The following RALGAPA2 variants were observed in gnomAD, a reference collection of about 807,000 sequenced individuals.
RALGAPA2 encodes Ral GTPase activating protein catalytic subunit alpha 2.
RALGAPA2 carries 139 observed loss-of-function variants against 230.4 expected under a neutral mutation model. The ratio of observed to expected loss-of-function variants is 0.60; its 90% CI spans 0.53 to 0.69. The LOEUF (loss-of-function observed/expected upper bound fraction) is 0.69. Among genes scored for constraint, RALGAPA2 ranks in the 30% least tolerant of loss-of-function variants. The pLI is 0.00. For missense variants in RALGAPA2, 2,163 were observed against 2,276.0 expected (o/e 0.95, Z 1.01); for synonymous variants, 847 against 837.8 (o/e 1.01, Z -0.19).
intron 13 of RALGAPA2, among the ~76,000 whole-genome samples, chr20:20,612,714 C>A (rs2066012123): frequency 6.6e-6 from 1 of 152,184 alleles, no homozygotes; most frequent in Non-Finnish European, 1.5e-5. Context: ...GGCACACACG[C>A]TGAAGCAGGA....
chr20:20,443,572 C>T lies in RALGAPA2; in HGVS notation c.5495+29257G>A, dbSNP rs1232366476. ...TGCAGCCACCTCAATCTTCCAGCATCCCTAACTTCTTTCTGCCTGTCAGGC... is the reference window on the plus strand; with the variant it reads ...TGCAGCCACCTCAATCTTCCAGCATTCCTAACTTCTTTCTGCCTGTCAGGC... On this transcript the variant is annotated intron_variant, in intron 37 of 39. Transcript: ENST00000202677. Among the ~76,000 whole-genome samples, 4 of 152,220 alleles carry T rather than the reference C, an allele frequency of 2.6e-5. No individual in the cohort carries two copies. In the South Asian group the frequency reaches 8.3e-4, roughly 31 times the overall value.
intron 21 of RALGAPA2, among the ~76,000 whole-genome samples, chr20:20,572,511 A>G (rs947984831): frequency 4.0e-5 from 6 of 151,716 alleles, no homozygotes; most frequent in Non-Finnish European, 1.5e-5. Flanking sequence ...AGAAGACTAT[A>G]TATTAATATT....
intron 39 of RALGAPA2, among the ~76,000 whole-genome samples, chr20:20,394,735 AC>A (rs543777610): frequency 3.8e-4 from 58 of 152,274 alleles, no homozygotes; most frequent in Non-Finnish European, 6.6e-4. Flanking sequence ...CTAGATTGTT[AC>A]AAGGCATCTC....
At chr20:20,422,170 CT>C (rs1230135604) in intron 37 of RALGAPA2, among the ~76,000 whole-genome samples, 3 of 151,794 alleles carry the variant, frequency 2.0e-5, no homozygotes, top group Non-Finnish European at 4.4e-5. Flanking sequence ...CATTCAGTTT[CT>C]TTTTGGGGTG....
At position 20,447,629 on chromosome 20, in the gene RALGAPA2, T is replaced by C. The variant is rs150077550; in HGVS notation, c.5495+25200A>G. 4.0e-5 allele frequency among the ~76,000 whole-genome samples: 6 copies of C among 151,188 alleles called. No homozygotes were observed. The East Asian group carries it at 9.6e-4, about 24-fold the overall frequency. On this transcript the variant is annotated intron_variant, in intron 37 of 39. Transcript: ENST00000202677. Reference sequence around the variant, plus strand: ...AAAATTAGGTTGAATTATATCAAATTGCCTTTTTTTTTTTTTTAACTAGGT... The same window carrying C: ...AAAATTAGGTTGAATTATATCAAATCGCCTTTTTTTTTTTTTTAACTAGGT...
chr20:20,558,792 T>C (rs970977956), intron 23 of RALGAPA2, among the ~76,000 whole-genome samples: 1 of 149,178 alleles, frequency 6.7e-6, no homozygotes, highest in African/African-American at 2.5e-5. Context: ...CATTTATCTG[T>C]GATCTCAACT....
intron 3 of RALGAPA2, among the ~76,000 whole-genome samples, chr20:20,666,444 C>G (rs1332464069): frequency 1.3e-5 from 2 of 152,164 alleles, no homozygotes; most frequent in African/African-American, 4.8e-5. Flanking sequence ...TTTTCTTGTT[C>G]ATTTTAGTTG....
chr20:20,706,930 T>C (rs762709109), intron 1 of RALGAPA2, among the ~76,000 whole-genome samples: 1 of 152,174 alleles, frequency 6.6e-6, no homozygotes, highest in Non-Finnish European at 1.5e-5. Context: ...GATTCAATGA[T>C]GTCATGATGA....
chr20:20,594,836 C>T (rs989905277), intron 16 of RALGAPA2, among the ~76,000 whole-genome samples: 4 of 149,686 alleles, frequency 2.7e-5, no homozygotes, highest in East Asian at 2.0e-4. Context: ...TCATGGCATT[C>T]TCCTGCCTCA....
chr20:20,637,530 T>C (rs769919353), intron 7 of RALGAPA2, 29 bp from the exon 8 acceptor site: 47 of 1,515,864 alleles, frequency 3.1e-5, no homozygotes, highest in Admixed American at 4.5e-5. Context: ...AAAGAACATA[T>C]GTATATTTAT....
intron 3 of RALGAPA2, among the ~76,000 whole-genome samples, chr20:20,668,691 C>G (rs2146730654): frequency 6.6e-6 from 1 of 152,268 alleles, no homozygotes; most frequent in South Asian, 2.1e-4. Flanking sequence ...ATGAGCACTT[C>G]CAGCAGGAGT....
At chr20:20,676,096 A>G in intron 3 of RALGAPA2, 140 bp downstream of exon 3, 1 of 572,286 alleles carries the variant, frequency 1.7e-6, no homozygotes. Context: ...TAAAAGTGGG[A>G]GGGTGGGAGG....
chr20:20,567,095 T>C (rs1370370804), intron 23 of RALGAPA2, among the ~76,000 whole-genome samples: 1 of 152,210 alleles, frequency 6.6e-6, no homozygotes, highest in Non-Finnish European at 1.5e-5. Context: ...ATTAAGACAT[T>C]AAATCTGTAA....
intron 37 of RALGAPA2, among the ~76,000 whole-genome samples, chr20:20,414,905 T>G (rs1212897603): frequency 6.6e-6 from 1 of 152,206 alleles, no homozygotes. Flanking sequence ...AAACATCCAT[T>G]AGGGATTGGG....
intron 37 of RALGAPA2, among the ~76,000 whole-genome samples, chr20:20,454,727 T>A (rs888160345): frequency 7.2e-5 from 11 of 152,314 alleles, no homozygotes; most frequent in Admixed American, 1.3e-4. Context: ...CTCCAGCCTC[T>A]CACTTGGTCA....
intron 37 of RALGAPA2, among the ~76,000 whole-genome samples, chr20:20,462,751 G>A (rs1055883820): frequency 2.6e-5 from 4 of 152,270 alleles, no homozygotes; most frequent in African/African-American, 4.8e-5. Context: ...CACTGTATAC[G>A]CCAGGGCAGA....
intron 1 of RALGAPA2, among the ~76,000 whole-genome samples, chr20:20,699,140 A>G (rs982104537): frequency 6.6e-5 from 10 of 152,084 alleles, no homozygotes; most frequent in African/African-American, 2.4e-4. Context: ...CACGTTTTTT[A>G]TGTATTATGT....
chr20:20,506,460 T>C (rs996193677), intron 33 of RALGAPA2, among the ~76,000 whole-genome samples: 2 of 152,170 alleles, frequency 1.3e-5, no homozygotes, highest in East Asian at 1.9e-4. Flanking sequence ...CATTTGGTGA[T>C]AGTTTAGAGA....
intron 24 of RALGAPA2, among the ~76,000 whole-genome samples, chr20:20,543,267 G>C (rs557057542): frequency 6.6e-6 from 1 of 151,854 alleles, no homozygotes; most frequent in Non-Finnish European, 1.5e-5. Context: ...GGATGGTCTC[G>C]ATCTCTTGAC....
Sources: allele counts gnomAD v4.1 joint callset (sites outside exome capture counted in the v4.1 genomes callset), GRCh38; gene constraint gnomAD v4.1.1; transcripts MANE v1.5; gene names NCBI Gene and HGNC (gene_info 2026-07-23, HGNC 2026-07-21).